Variants in TMEM106A observed in about 807,000 individuals in gnomAD.
TMEM106A encodes the protein transmembrane protein 106A.
In TMEM106A, 22 loss-of-function variants were observed where a neutral mutation model predicts 25.1. That is an observed-to-expected ratio of 0.88 (90% CI 0.63 to 1.25). The LOEUF is 1.25. TMEM106A is among the 50% of genes most tolerant of loss of function. The pLI, the probability that TMEM106A is intolerant of heterozygous loss-of-function variation, is 0.00. For synonymous variants in TMEM106A, 104 were observed against 129.9 expected, an observed-to-expected ratio of 0.80 and a Z score of 1.35; for missense variants, 275 against 318.1, an observed-to-expected ratio of 0.86 and a Z score of 1.03.
intron 4 of TMEM106A, 66 bp downstream of exon 4, chr17:43,213,957 CCT>C (rs1176489870): frequency 1.3e-6 from 2 of 1,533,246 alleles, no homozygotes; most frequent in East Asian, 4.5e-5. Context: ...CTTTGTCTCC[CCT>C]GTTTTGATCT....
chr17:43,216,119 G>T, intron 5 of TMEM106A, 178 bp downstream of exon 5: 1 of 796,128 alleles, frequency 1.3e-6, no homozygotes, highest in Non-Finnish European at 2.0e-6. Flanking sequence ...TAAGGATTGG[G>T]ACTCTACACA....
At chr17:43,213,283 G>A (rs2154582562) in intron 3 of TMEM106A, 31 bp downstream of exon 3, 1 of 1,610,626 alleles carries the variant, frequency 6.2e-7, no homozygotes, top group Non-Finnish European at 8.5e-7. Context: ...GAAATAGCCT[G>A]GAATCCAGGG....
chr17:43,214,946 C>CGA (rs2057470568), intron 4 of TMEM106A, among the ~76,000 whole-genome samples: 1 of 137,478 alleles, frequency 7.3e-6, no homozygotes, highest in African/African-American at 2.8e-5. Context: ...AGCAACAGAG[C>CGA]GAGGCCTCAT....
rs577247703 is a variant in TMEM106A, at chr17:43,218,799, T to G, written c.*998T>G. The G allele has an allele frequency of 1.8e-4, 28 of 152,378 alleles. No individual in the cohort carries two copies. Among genetic ancestry groups the G allele is most frequent in the African/African-American group, 5.8e-4 (24 of 41,582 alleles). 9.4% of individuals were successfully genotyped at this position (152,378 alleles called of 1,614,324 possible). ...TTGACCATGTGAAAAAGTGATAGTC[T>G]GCTTCTCTCTGGTAACTTGTCTGCC... On this transcript the variant is annotated 3_prime_UTR_variant, in exon 9 of 9. Transcript: ENST00000612339.
At chr17:43,215,697 T>A (rs1028745476) in intron 4 of TMEM106A, 91 bp from the exon 5 acceptor site, 90 of 1,409,532 alleles carry the variant, frequency 6.4e-5, no homozygotes, top group Non-Finnish European at 8.9e-5. Flanking sequence ...GAAAGCTTTG[T>A]ATATGGAGAG....
In TMEM106A at chr17:43,217,661, A is replaced by G. The variant is rs746830847; in HGVS notation, c.669-20A>G. 1.9e-6 allele frequency: 3 copies of G among 1,613,926 alleles called. No homozygotes were observed. In the South Asian group the frequency reaches 3.3e-5, roughly 18 times the overall value. On this transcript the variant is annotated intron_variant, in intron 8 of 8. Coordinates refer to ENST00000612339, the MANE Select transcript of TMEM106A (RefSeq NM_145041.4). ...TCCTTTTCCTCCCAGCCATGGCAAC[A>G]AGGCCTGCTTCCTCTCCAGGGGCAC...
intron 4 of TMEM106A, among the ~76,000 whole-genome samples, chr17:43,215,182 G>A (rs963398563): frequency 4.0e-5 from 6 of 151,384 alleles, no homozygotes; most frequent in Admixed American, 3.3e-4. Context: ...GGTGGAGGTT[G>A]CAGTGAGCCG....
intron 3 of TMEM106A, 70 bp from the exon 4 acceptor site, chr17:43,213,758 G>A (rs1181477465): frequency 5.3e-6 from 8 of 1,509,430 alleles, no homozygotes; most frequent in South Asian, 1.1e-5. Flanking sequence ...GCGTGCTTCT[G>A]GGAAGCTGGC....
intron 5 of TMEM106A, 140 bp from the exon 6 acceptor site, chr17:43,216,309 G>C: frequency 8.4e-7 from 1 of 1,188,922 alleles, no homozygotes; most frequent in Non-Finnish European, 1.2e-6. Flanking sequence ...CCTCCAAGGG[G>C]CTCCCAGTTT....
chr17:43,217,981 A>T lies in TMEM106A; in HGVS notation c.*180A>T. 3.8e-6 allele frequency: 3 copies of T among 791,602 alleles called. No homozygotes were observed. Among genetic ancestry groups the T allele is most frequent in the South Asian group, 3.5e-5 (2 of 57,814 alleles). 49.0% of individuals were successfully genotyped at this position (791,602 alleles called of 1,614,324 possible). On this transcript the variant is annotated 3_prime_UTR_variant, in exon 9 of 9. Transcript: ENST00000612339. ...GCTTTGAAGTTAACTTCATACACAC[A>T]CACTCATATCCTCCAGTTTCCCCCA...
At position 43,217,705 on chromosome 17, in the gene TMEM106A, G is replaced by A. The variant is rs773919714; in HGVS notation, c.693G>A (p.Leu231=). 3 of 1,614,154 alleles carry A rather than the reference G, an allele frequency of 1.9e-6. No individual in the cohort carries two copies. Among genetic ancestry groups the A allele is most frequent in the Non-Finnish European group, 2.5e-6 (3 of 1,180,030 alleles). Residue 231 remains leucine, a synonymous_variant, in exon 9 of 9, where the codon CTG becomes CTA. Coordinates refer to ENST00000612339, the MANE Select transcript of TMEM106A (RefSeq NM_145041.4). ...GGGGCACCCTGACCTGTTCATACCT[G>A]AGCCATTCAGAGCAGCTGGTCTTTC... ...HIQGTLTCSY[L]SHSEQLVFQS... is the part of the protein sequence containing the mutation.
chr17:43,211,892 CTT>C lies in TMEM106A; in HGVS notation c.-219_-218del, dbSNP rs915016389. On this transcript the variant is annotated 5_prime_UTR_variant, in exon 1 of 9. Transcript: ENST00000612339. ...GCTCCCGCATTTTCGATTCCACTCT[CTT>C]CCGTTTCTGTCGCTGCAGTCGTCCG... 36 of 152,340 alleles carry C rather than the reference CTT, an allele frequency of 2.4e-4. No homozygotes were observed. Among genetic ancestry groups the C allele is most frequent in the African/African-American group, 8.0e-4 (33 of 41,432 alleles). The allele number at this position is 152,340 out of a possible 1,614,324, so 9.4% of individuals were successfully genotyped here. A position where few individuals can be genotyped will look rare whatever the true frequency, so the allele number is the denominator to read the frequency against.
At position 43,218,098 on chromosome 17, in the gene TMEM106A, G is replaced by A; in HGVS notation, c.*297G>A. The A allele has an allele frequency of 3.3e-6, 1 of 302,884 alleles. No individual in the cohort carries two copies. The highest frequency in any genetic ancestry group is 6.2e-6 in the Non-Finnish European group (1 of 161,088). The allele number at this position is 302,884 out of a possible 1,614,324, so 18.8% of individuals were successfully genotyped here. A position where few individuals can be genotyped will look rare whatever the true frequency, so the allele number is the denominator to read the frequency against. Reference sequence around the variant, plus strand: ...CAGAGTCTCACTGTTGGTCCAGGTTGGTTTTGAACTCCTGGGCTCAAGCGA... The same window carrying A: ...CAGAGTCTCACTGTTGGTCCAGGTTAGTTTTGAACTCCTGGGCTCAAGCGA... On this transcript the variant is annotated 3_prime_UTR_variant, in exon 9 of 9. Coordinates refer to ENST00000612339, the MANE Select transcript of TMEM106A (RefSeq NM_145041.4).
chr17:43,216,661 G>A (rs111502383), intron 6 of TMEM106A, 36 bp from the exon 7 acceptor site: 39 of 1,614,056 alleles, frequency 2.4e-5, no homozygotes, highest in Non-Finnish European at 3.2e-5. Flanking sequence ...GGGGCAGCTG[G>A]AGTTGGGGCT....
intron 4 of TMEM106A, among the ~76,000 whole-genome samples, 198 bp from the exon 5 acceptor site, chr17:43,215,589 TG>T (rs1351963366): frequency 2.6e-5 from 4 of 152,180 alleles, no homozygotes; most frequent in African/African-American, 9.7e-5. Context: ...AACAGAGATC[TG>T]GGAGTGGAAA....
At position 43,217,810 on chromosome 17, in the gene TMEM106A, C is replaced by T. The variant is rs750330011; in HGVS notation, c.*9C>T. 6.2e-7 allele frequency: 1 copy of T among 1,614,082 alleles called. No homozygotes were observed. The highest frequency in any genetic ancestry group is 8.5e-7 in the Non-Finnish European group (1 of 1,179,964). On this transcript the variant is annotated 3_prime_UTR_variant, in exon 9 of 9. Coordinates refer to ENST00000612339, the MANE Select transcript of TMEM106A (RefSeq NM_145041.4). ...CCCCTCACCCACCATGACCTGTCTG[C>T]TGTCCCTGTACTCCAGGCACCTGCA...
chr17:43,216,552 A>T lies in TMEM106A; in HGVS notation c.533A>T (p.Asn178Ile). ...CTCGTGGTGGGGCAGGTTTCCAACAACCTTCTCCTACACATTGGCCCTTTG... is the reference window on the plus strand; with the variant it reads ...CTCGTGGTGGGGCAGGTTTCCAACATCCTTCTCCTACACATTGGCCCTTTG... ...LSLVVGQVSN[N>I]LLLHIGPLAS... is the part of the protein sequence containing the mutation. Residue 178 changes from asparagine to isoleucine, a missense_variant, in exon 6 of 9, where the codon AAC (asparagine) becomes ATC (isoleucine). By Grantham distance (149) the Asn-to-Ile change is moderately radical (BLOSUM62 -3). Transcript: ENST00000612339. 1 of 1,614,082 alleles carries T rather than the reference A, an allele frequency of 6.2e-7. No individual in the cohort carries two copies. Among genetic ancestry groups the T allele is most frequent in the Non-Finnish European group, 8.5e-7 (1 of 1,180,000 alleles).
At chr17:43,217,123 G>A in intron 7 of TMEM106A, 136 bp from the exon 8 acceptor site, 1 of 861,078 alleles carries the variant, frequency 1.2e-6, no homozygotes, top group Non-Finnish European at 2.0e-6. Context: ...GAAGGGGTGG[G>A]AGTGACATTT....
In TMEM106A at chr17:43,216,564, A is replaced by T; in HGVS notation, c.545A>T (p.His182Leu). ...CAGGTTTCCAACAACCTTCTCCTAC[A>T]CATTGGCCCTTTGGCCAGTGAACAG... ...VGQVSNNLLL[H>L]IGPLASEQMF... The change falls in exon 6 of 9, where the codon CAC becomes CTC. Residue 182 changes from histidine (H) to leucine (L), a missense_variant. Transcript: ENST00000612339. 6.2e-7 allele frequency: 1 copy of T among 1,614,166 alleles called. No individual in the cohort carries two copies. The highest frequency in any genetic ancestry group is 8.5e-7 in the Non-Finnish European group (1 of 1,180,022).
Sources: gnomAD v4.1 joint callset for allele counts (sites outside exome capture counted in the v4.1 genomes callset) on GRCh38, gnomAD v4.1.1 for gene constraint, MANE v1.5 for transcripts, NCBI Gene and HGNC (gene_info 2026-07-23, HGNC 2026-07-21) for gene names.